The following PTPRR variants were observed in gnomAD, a reference collection of about 807,000 sequenced individuals.
PTPRR encodes the protein receptor-type tyrosine-protein phosphatase R.
A neutral mutation model predicts 77.2 loss-of-function variants in PTPRR; 38 were observed. The observed-to-expected ratio is 0.49, with a 90% CI of 0.38 to 0.65. The LOEUF (loss-of-function observed/expected upper bound fraction) is 0.65, where lower values mean the gene tolerates loss of function less well. Ranked by LOEUF, PTPRR falls within the 30% of genes least tolerant of loss-of-function variation. The pLI, the probability that PTPRR is intolerant of heterozygous loss-of-function variation, is 0.00. For missense variants in PTPRR, 744 were observed against 799.2 expected (o/e 0.93, Z 0.83); for synonymous variants, 299 against 283.1 (o/e 1.06, Z -0.57).
intron 1 of PTPRR, among the ~76,000 whole-genome samples, chr12:70,912,770 A>G (rs1457456058): frequency 6.6e-6 from 1 of 152,190 alleles, no homozygotes; most frequent in Non-Finnish European, 1.5e-5. Context: ...TATCATTACT[A>G]TAGTAGGCAC....
chr12:70,907,025 C>T (rs1278943209), intron 1 of PTPRR: 1 of 152,204 alleles, frequency 6.6e-6, no homozygotes, highest in East Asian at 1.9e-4. Context: ...TTAAAGAAAA[C>T]TAAAATAAAA....
At chr12:70,746,463 A>T (rs1385640948) in intron 5 of PTPRR, among the ~76,000 whole-genome samples, 1 of 152,218 alleles carries the variant, frequency 6.6e-6, no homozygotes, top group African/African-American at 2.4e-5. Context: ...AGAAATGGAG[A>T]TATACATCCA....
At chr12:70,660,918 G>A in intron 12 of PTPRR, 22 bp downstream of exon 12, 1 of 1,597,812 alleles carries the variant, frequency 6.3e-7, no homozygotes, top group Non-Finnish European at 8.5e-7. Flanking sequence ...TGCTTAGACA[G>A]AAAGGACCAT....
chr12:70,838,523 G>A (rs990812397), intron 2 of PTPRR, among the ~76,000 whole-genome samples: 7 of 152,194 alleles, frequency 4.6e-5, no homozygotes, highest in African/African-American at 1.7e-4. Flanking sequence ...ATTTGGGAGT[G>A]AAAGAGAAGA....
chr12:70,858,461 C>T (rs1892690631), intron 2 of PTPRR, among the ~76,000 whole-genome samples: 1 of 152,058 alleles, frequency 6.6e-6, no homozygotes, highest in Non-Finnish European at 1.5e-5. Context: ...CCCATTGTAG[C>T]AGTGGAATGT....
intron 2 of PTPRR, among the ~76,000 whole-genome samples, chr12:70,787,540 G>A (rs1249708468): frequency 5.9e-5 from 9 of 152,042 alleles, no homozygotes; most frequent in Non-Finnish European, 2.9e-5. Flanking sequence ...AGCTATATAA[G>A]CAATAAACAT....
intron 2 of PTPRR, among the ~76,000 whole-genome samples, chr12:70,791,490 T>G (rs934685454): frequency 6.6e-6 from 1 of 152,152 alleles, no homozygotes; most frequent in Admixed American, 6.6e-5. Context: ...CCTTGCTTTA[T>G]TATTTTTTTC....
intron 4 of PTPRR, among the ~76,000 whole-genome samples, chr12:70,760,031 A>C (rs1310801058): frequency 1.3e-5 from 2 of 152,170 alleles, no homozygotes; most frequent in African/African-American, 4.8e-5. Flanking sequence ...CGCAAAACCA[A>C]ATGCAGGAAG....
intron 10 of PTPRR, among the ~76,000 whole-genome samples, chr12:70,666,107 G>C (rs1380190123): frequency 6.6e-6 from 1 of 152,132 alleles, no homozygotes; most frequent in Non-Finnish European, 1.5e-5. Context: ...CTTTGAAGTA[G>C]GTAGGGTGGG....
chr12:70,851,860 C>T (rs1054064807), intron 2 of PTPRR, among the ~76,000 whole-genome samples: 1 of 152,094 alleles, frequency 6.6e-6, no homozygotes, highest in Admixed American at 6.6e-5. Flanking sequence ...AAAGAAAAAG[C>T]CAGCTGGCAG....
At chr12:70,800,241 C>T (rs1891589570) in intron 2 of PTPRR, among the ~76,000 whole-genome samples, 1 of 151,770 alleles carries the variant, frequency 6.6e-6, no homozygotes, top group Non-Finnish European at 1.5e-5. Flanking sequence ...CCCCTACCCA[C>T]TGCATTTTAG....
At chr12:70,912,568 A>C (rs912133923) in intron 1 of PTPRR, among the ~76,000 whole-genome samples, 2 of 152,210 alleles carry the variant, frequency 1.3e-5, no homozygotes, top group Non-Finnish European at 2.9e-5. Flanking sequence ...GCTGCATAAT[A>C]TAAATAATAG....
chr12:70,793,179 A>G (rs1891451577), intron 2 of PTPRR, among the ~76,000 whole-genome samples: 1 of 152,194 alleles, frequency 6.6e-6, no homozygotes, highest in African/African-American at 2.4e-5. Context: ...AACAATAGCA[A>G]ATACTATTGA....
chr12:70,737,661 A>G (rs984262151), intron 6 of PTPRR, among the ~76,000 whole-genome samples: 1 of 152,124 alleles, frequency 6.6e-6, no homozygotes, highest in African/African-American at 2.4e-5. Context: ...CTGGGAGTAC[A>G]GGTAAACACC....
In PTPRR at chr12:70,639,281, C is replaced by A; in HGVS notation, c.1881-4G>T. The A allele has an allele frequency of 6.2e-7, 1 of 1,611,504 alleles. No individual in the cohort carries two copies. Among genetic ancestry groups the A allele is most frequent in the Non-Finnish European group, 8.5e-7 (1 of 1,179,456 alleles). ...ACTGGTTTGCACCATTCCACCTCTG[C>A]AAGGAAGAAATCATAAAATAACTGA... On this transcript the variant is annotated splice_region_variant and splice_polypyrimidine_tract_variant and intron_variant, in intron 13 of 13. Coordinates refer to ENST00000283228, the MANE Select transcript of PTPRR (RefSeq NM_002849.4).
chr12:70,896,570 AAAG>A (rs1460157677), intron 1 of PTPRR, among the ~76,000 whole-genome samples: 3 of 151,822 alleles, frequency 2.0e-5, no homozygotes, highest in Admixed American at 6.6e-5. Flanking sequence ...AACAGAAAGA[AAAG>A]AAGAATATTT....
chr12:70,876,182 AAATGGAAAAGGAAGTC>A (rs553252937), intron 2 of PTPRR, among the ~76,000 whole-genome samples: 3,262 of 152,276 alleles, frequency 0.021, 100 homozygotes, highest in African/African-American at 0.074. Context: ...ATATATATGT[AAATGGAAAAGGAAGTC>A]AATGGAAAAG....
chr12:70,714,269 A>C (rs1888938339), intron 6 of PTPRR, among the ~76,000 whole-genome samples: 1 of 152,124 alleles, frequency 6.6e-6, no homozygotes, highest in South Asian at 2.1e-4. Context: ...TTTAATTATA[A>C]AATTAATACA....
Position 70,761,455 on chromosome 12 carries a change from T to C in PTPRR, c.627+16A>G. 1 of 1,550,748 alleles carries C rather than the reference T, an allele frequency of 6.4e-7. No individual in the cohort carries two copies. The highest frequency in any genetic ancestry group is 8.7e-7 in the Non-Finnish European group (1 of 1,146,808). On this transcript the variant is annotated intron_variant, in intron 4 of 13. Coordinates refer to ENST00000283228, the MANE Select transcript of PTPRR (RefSeq NM_002849.4). Reference sequence around the variant, plus strand: ...TGTTCACATTTTTAAATGAATTGTTTCGTGCAACAACATACCTCAGGAGAG... The same window carrying C: ...TGTTCACATTTTTAAATGAATTGTTCCGTGCAACAACATACCTCAGGAGAG...
Sources: allele counts gnomAD v4.1 joint callset (sites outside exome capture counted in the v4.1 genomes callset), GRCh38; gene constraint gnomAD v4.1.1; transcripts MANE v1.5; gene names NCBI Gene and HGNC (gene_info 2026-07-23, HGNC 2026-07-21).